The following PRKCA variants were observed in gnomAD, a reference collection of about 807,000 sequenced individuals.
PRKCA encodes protein kinase C alpha type.
Under a neutral mutation model 87.0 loss-of-function variants are expected in PRKCA, and 27 were observed. The observed-to-expected ratio is 0.31, with a 90% confidence interval of 0.23 to 0.43. PRKCA has a LOEUF of 0.43. PRKCA is among the 20% of genes least tolerant of loss of function. The pLI, the probability that PRKCA is intolerant of heterozygous loss-of-function variation, is 1.00. For missense variants in PRKCA, 518 were observed against 852.3 expected, an observed-to-expected ratio of 0.61 and a Z score of 4.88; for synonymous variants, 329 against 311.1, an observed-to-expected ratio of 1.06 and a Z score of -0.61.
intron 3 of PRKCA, among the ~76,000 whole-genome samples, chr17:66,564,016 C>G (rs8065959): frequency 7.4e-6 from 1 of 135,376 alleles, no homozygotes; most frequent in African/African-American, 2.7e-5. Context: ...CTTTCTTTCT[C>G]TCTCTCTTTC....
At chr17:66,604,181 A>AAATTTGT (rs1970143460) in intron 3 of PRKCA, among the ~76,000 whole-genome samples, 1 of 152,192 alleles carries the variant, frequency 6.6e-6, no homozygotes, top group East Asian at 1.9e-4. Flanking sequence ...GTGTTAAAAG[A>AAATTTGT]AAAAGCAAAT....
intron 2 of PRKCA, among the ~76,000 whole-genome samples, chr17:66,437,735 C>A (rs140205470): frequency 1.8e-4 from 1 of 5,588 alleles, no homozygotes; most frequent in Non-Finnish European, 3.4e-4. Context: ...TTTTTTTGAG[C>A]GGGGGGTGGG....
At chr17:66,582,656 A>C (rs1489317472) in intron 3 of PRKCA, among the ~76,000 whole-genome samples, 1 of 152,092 alleles carries the variant, frequency 6.6e-6, no homozygotes, top group East Asian at 1.9e-4. Flanking sequence ...CATCTTGGGT[A>C]TGTCTTTATT....
At chr17:66,359,589 TG>T (rs2143471604) in intron 2 of PRKCA, among the ~76,000 whole-genome samples, 1 of 152,318 alleles carries the variant, frequency 6.6e-6, no homozygotes, top group South Asian at 2.1e-4. Flanking sequence ...TTTAAAGAGA[TG>T]ACTCAGTGGT....
chr17:66,426,556 T>C (rs1424527234), intron 2 of PRKCA, among the ~76,000 whole-genome samples: 1 of 152,148 alleles, frequency 6.6e-6, no homozygotes, highest in Admixed American at 6.6e-5. Context: ...AAGATTATTG[T>C]AGCACCATCT....
chr17:66,665,115 T>A (rs939190394), intron 5 of PRKCA, among the ~76,000 whole-genome samples: 9 of 152,204 alleles, frequency 5.9e-5, no homozygotes, highest in African/African-American at 2.2e-4. Context: ...GGGTTTTTTC[T>A]GGATGATACT....
At chr17:66,470,090 G>A (rs761436551) in intron 2 of PRKCA, among the ~76,000 whole-genome samples, 1 of 151,282 alleles carries the variant, frequency 6.6e-6, no homozygotes, top group Non-Finnish European at 1.5e-5. Flanking sequence ...TTGGCTGCAT[G>A]TCCCAGGAAG....
chr17:66,691,780 A>G (rs1374419422), intron 8 of PRKCA, among the ~76,000 whole-genome samples: 9 of 152,222 alleles, frequency 5.9e-5, no homozygotes, highest in Non-Finnish European at 1.0e-4. Flanking sequence ...TGACGCAGAA[A>G]GAGTGCATTC....
chr17:66,409,283 A>G (rs931445306), intron 2 of PRKCA, among the ~76,000 whole-genome samples: 4 of 152,050 alleles, frequency 2.6e-5, no homozygotes, highest in East Asian at 1.9e-4. Flanking sequence ...AAAGTCTTGG[A>G]TGCTTCTGTG....
At chr17:66,752,308 C>T (rs1043102479) in intron 13 of PRKCA, among the ~76,000 whole-genome samples, 8 of 152,134 alleles carry the variant, frequency 5.3e-5, no homozygotes, top group Admixed American at 2.6e-4. Flanking sequence ...ACAATAATCA[C>T]GTTGGGCTGG....
At chr17:66,641,679 A>G (rs1971300670) in intron 4 of PRKCA, among the ~76,000 whole-genome samples, 1 of 151,830 alleles carries the variant, frequency 6.6e-6, no homozygotes, top group Admixed American at 6.6e-5. Context: ...ACCCCCAAAA[A>G]GCACTCGATT....
At chr17:66,735,384 A>G (rs1974000116) in intron 9 of PRKCA, 105 bp from the exon 10 acceptor site, 1 of 1,161,774 alleles carries the variant, frequency 8.6e-7, no homozygotes, top group Admixed American at 1.9e-5. Flanking sequence ...CACATTGACA[A>G]AGGTGCACAA....
intron 16 of PRKCA, chr17:66,796,604 C>T (rs1327432985): frequency 1.0e-6 from 1 of 985,214 alleles, no homozygotes; most frequent in Admixed American, 6.2e-5. Flanking sequence ...AGCCCGTTCC[C>T]TGAGCATGCT....
intron 2 of PRKCA, among the ~76,000 whole-genome samples, chr17:66,361,641 G>T (rs1488459632): frequency 6.6e-6 from 1 of 152,090 alleles, no homozygotes; most frequent in South Asian, 2.1e-4. Context: ...CTCCAACAGC[G>T]TGGACTCTAC....
chr17:66,667,790 C>A (rs1567965629), intron 5 of PRKCA, among the ~76,000 whole-genome samples: 1 of 152,152 alleles, frequency 6.6e-6, no homozygotes, highest in Non-Finnish European at 1.5e-5. Flanking sequence ...TTCCAATTAA[C>A]CAGACTTTCT....
Position 66,400,451 on chromosome 17 carries a change from T to A in PRKCA, c.205+94324T>A, listed in dbSNP as rs566869142. The stretch of plus-strand genomic sequence containing the variant: ...ACAGGTATGAGCAACCATGCCTGGG[T>A]TAACTATAGTCACCTTTTGAAACAG... On this transcript the variant is annotated intron_variant, in intron 2 of 16. Transcript: ENST00000413366. Among the ~76,000 whole-genome samples, 4 of 152,270 alleles carry A rather than the reference T, an allele frequency of 2.6e-5. No individual in the cohort carries two copies. In the South Asian group the frequency reaches 8.3e-4, roughly 32 times the overall value.
intron 13 of PRKCA, among the ~76,000 whole-genome samples, chr17:66,752,710 G>A (rs1974465125): frequency 6.6e-6 from 1 of 152,228 alleles, no homozygotes; most frequent in South Asian, 2.1e-4. Flanking sequence ...TGGGGCTGGA[G>A]GGCCCAAGGT....
At chr17:66,674,277 G>A (rs1377513656) in intron 5 of PRKCA, among the ~76,000 whole-genome samples, 1 of 152,176 alleles carries the variant, frequency 6.6e-6, no homozygotes, top group Non-Finnish European at 1.5e-5. Context: ...AAGGCTAAGG[G>A]CTGACAGCAC....
At chr17:66,365,015 G>A (rs770129581) in intron 2 of PRKCA, among the ~76,000 whole-genome samples, 7 of 152,140 alleles carry the variant, frequency 4.6e-5, no homozygotes, top group Admixed American at 2.6e-4. Context: ...AGTCCCCAAA[G>A]GTCTATCTGT....
Sources: allele counts gnomAD v4.1 joint callset (sites outside exome capture counted in the v4.1 genomes callset), GRCh38; gene constraint gnomAD v4.1.1; transcripts MANE v1.5; gene names NCBI Gene and HGNC (gene_info 2026-07-23, HGNC 2026-07-21).